Variants in CELSR1 observed in about 807,000 individuals in gnomAD.
CELSR1 encodes adhesion G protein-coupled receptor C1.
Under a neutral mutation model 249.1 loss-of-function variants are expected in CELSR1, and 110 were observed. The ratio of observed to expected loss-of-function variants is 0.44; its 90% confidence interval spans 0.38 to 0.52. The LOEUF is 0.52. Ranked by LOEUF, CELSR1 falls within the 20% of genes least tolerant of loss-of-function variation. The probability of loss-of-function intolerance (pLI) is 0.00; values close to 1 mark genes in which losing one functional copy is unlikely to be tolerated. For missense variants in CELSR1, 4,109 were observed against 4,296.4 expected (o/e 0.96, Z 1.22); for synonymous variants, 2,113 against 1,900.0 (o/e 1.11, Z -2.92).
In CELSR1 at chr22:46,391,387, G is replaced by A. The variant is rs988682551; in HGVS notation, c.6149-100C>T. 3.6e-6 allele frequency: 4 copies of A among 1,109,332 alleles called. No individual in the cohort carries two copies. In the East Asian group the frequency reaches 1.0e-4, roughly 28 times the overall value. The allele number at this position is 1,109,332 out of a possible 1,614,324, so 68.7% of individuals were successfully genotyped here. A position where few individuals can be genotyped will look rare whatever the true frequency, so the allele number is the denominator to read the frequency against. On this transcript the variant is annotated intron_variant, in intron 15 of 34. Coordinates refer to ENST00000674500, the MANE Select transcript of CELSR1 (RefSeq NM_001378328.1). The surrounding 1 kb of genome is among the most constrained non-coding windows in gnomAD (Gnocchi z 4.3). ...CATGCGCCTCCCTGCAGGAGGCCCT[G>A]CTCCCACCAAGAACCGAACCCTAGC...
Position 46,506,794 on chromosome 22 carries a change from G to T in CELSR1, c.3544+26833C>A, listed in dbSNP as rs1022521593. Reference sequence around the variant, plus strand: ...CTGAGATCTCTCCGGAAAGATGCCCGATAACAGGAAGCTGAGGCCAAGCCC... The same window carrying T: ...CTGAGATCTCTCCGGAAAGATGCCCTATAACAGGAAGCTGAGGCCAAGCCC... On this transcript the variant is annotated intron_variant, in intron 1 of 34. Transcript: ENST00000674500. The surrounding 1 kb of genome is among the most constrained non-coding windows in gnomAD (Gnocchi z 4.1). Among the ~76,000 whole-genome samples the T allele has an allele frequency of 6.6e-6, 1 of 152,182 alleles. No homozygotes were observed. The highest frequency in any genetic ancestry group is 2.4e-5 in the African/African-American group (1 of 41,444).
At chr22:46,493,317 G>A (rs180797264) in intron 1 of CELSR1, among the ~76,000 whole-genome samples, 12 of 152,206 alleles carry the variant, frequency 7.9e-5, no homozygotes, top group Non-Finnish European at 1.3e-4. Flanking sequence ...AAGCCAAGGC[G>A]GGTGGATCAC....
rs1194791380 is a variant in CELSR1 at position 46,391,243 on chromosome 22, A to C, written c.6193T>G (p.Trp2065Gly). The C allele has an allele frequency of 6.2e-7, 1 of 1,613,592 alleles. No individual in the cohort carries two copies. ...GGCTGCCCGAACTTGGTCTGTGGCC[A>C]CCAGATGCCGGCCTCAAATGCTTTG... is the stretch of plus-strand genomic sequence containing the variant. Reference protein sequence around the residue: ...CPKAFEAGIWWPQTKFGQPAA... With the variant: ...CPKAFEAGIWGPQTKFGQPAA... Residue 2065 changes from tryptophan (W) to glycine (G), a missense_variant, in exon 16 of 35, where the codon TGG becomes GGG. Transcript: ENST00000674500. This position sits in a 1 kb window ranked among gnomAD's most constrained non-coding sequence, Gnocchi z 4.3.
rs2079211485 is a variant in CELSR1, at chr22:46,401,642, GA to G, written c.5227-1741del. ...AGTCGCCTGTGACCTAGAGTCTCAAGATGCCTAAAAGCTTTCTAGGTTCATG... is the reference window on the plus strand; with the variant it reads ...AGTCGCCTGTGACCTAGAGTCTCAAGTGCCTAAAAGCTTTCTAGGTTCATG... On this transcript the variant is annotated intron_variant, in intron 9 of 34. Coordinates refer to ENST00000674500, the MANE Select transcript of CELSR1 (RefSeq NM_001378328.1). The surrounding 1 kb of genome is among the most constrained non-coding windows in gnomAD (Gnocchi z 4.7). 6.6e-6 allele frequency among the ~76,000 whole-genome samples: 1 copy of G among 152,212 alleles called. No individual in the cohort carries two copies. Among genetic ancestry groups the G allele is most frequent in the South Asian group, 2.1e-4 (1 of 4,826 alleles).
In CELSR1 at chr22:46,536,165, T is replaced by C. The variant is rs1431345653; in HGVS notation, c.1006A>G (p.Thr336Ala). ...TTGACCAAGACAGTGATGTAGGTGGTGGCCGAGCGCGGCGGCGTACTGTAG... is the reference window on the plus strand; with the variant it reads ...TTGACCAAGACAGTGATGTAGGTGGCGGCCGAGCGCGGCGGCGTACTGTAG... ...VDYSTPPRSA[T>A]TYITVLVKDT... The change falls in exon 1 of 35, where the codon ACC (threonine) becomes GCC (alanine). Residue 336 changes from threonine to alanine, a missense_variant. This residue lies in a region of CELSR1 where 673 missense variants were observed against 636.8 expected (regional missense o/e 1.06). Transcript: ENST00000674500. The C allele has an allele frequency of 6.2e-7, 1 of 1,612,848 alleles. No individual in the cohort carries two copies. The highest frequency in any genetic ancestry group is 8.5e-7 in the Non-Finnish European group (1 of 1,180,010).
At chr22:46,421,923 A>ACTGTC (rs2079477862) in intron 5 of CELSR1, among the ~76,000 whole-genome samples, 1 of 152,144 alleles carries the variant, frequency 6.6e-6, no homozygotes, top group Non-Finnish European at 1.5e-5. Flanking sequence ...CCTCCTCTTA[A>ACTGTC]ACACGGAACT....
chr22:46,368,423 C>A (rs916612864), intron 27 of CELSR1, among the ~76,000 whole-genome samples: 3 of 151,836 alleles, frequency 2.0e-5, no homozygotes, highest in Non-Finnish European at 4.4e-5. Flanking sequence ...ACCCCCATAT[C>A]CGGCCTTCCA....
rs1200370523 is a variant in CELSR1 at position 46,443,625 on chromosome 22, T to C, written c.4184-4214A>G. Among the ~76,000 whole-genome samples the C allele has an allele frequency of 7.2e-5, 11 of 152,112 alleles. 1 individual carries two copies. Among genetic ancestry groups the C allele is most frequent in the Admixed American group, 7.2e-4 (11 of 15,258 alleles). ...CTTCCACATGTATTCACACATGCACTCAATTTCCCGTCTACACATGTCCAT... is the reference window on the plus strand; with the variant it reads ...CTTCCACATGTATTCACACATGCACCCAATTTCCCGTCTACACATGTCCAT... On this transcript the variant is annotated intron_variant, in intron 2 of 34. Transcript: ENST00000674500.
rs1602107117 is a variant in CELSR1, at chr22:46,417,849, C to T, written c.4612-6090G>A. On this transcript the variant is annotated intron_variant, in intron 5 of 34. Coordinates refer to ENST00000674500, the MANE Select transcript of CELSR1 (RefSeq NM_001378328.1). This position sits in a 1 kb window ranked among gnomAD's most constrained non-coding sequence, Gnocchi z 4.1. The stretch of plus-strand genomic sequence containing the variant: ...GGCTGATATTACTATCATCCTCATT[C>T]TCAACTCAGAGTCCAGCTGGGCGGG... 6.6e-6 allele frequency among the ~76,000 whole-genome samples: 1 copy of T among 152,340 alleles called. No homozygotes were observed. Among genetic ancestry groups the T allele is most frequent in the African/African-American group, 2.4e-5 (1 of 41,570 alleles).
chr22:46,445,566 G>A lies in CELSR1; in HGVS notation c.4184-6155C>T, dbSNP rs141239104. 6.8e-4 allele frequency among the ~76,000 whole-genome samples: 104 copies of A among 152,200 alleles called. No individual in the cohort carries two copies. In the East Asian group the frequency reaches 0.019, roughly 27 times the overall value. On this transcript the variant is annotated intron_variant, in intron 2 of 34. Coordinates refer to ENST00000674500, the MANE Select transcript of CELSR1 (RefSeq NM_001378328.1). This position sits in a 1 kb window ranked among gnomAD's most constrained non-coding sequence, Gnocchi z 4.4. ...CACCCTAAATCCACGATGACTTAAG[G>A]ACCCAAACTCATTACATCTGGAAAG... is the stretch of plus-strand genomic sequence containing the variant.
At chr22:46,491,555 G>A (rs947572366) in intron 1 of CELSR1, among the ~76,000 whole-genome samples, 5 of 151,202 alleles carry the variant, frequency 3.3e-5, no homozygotes, top group Admixed American at 6.6e-5. Context: ...GAGCCACCAC[G>A]CCCAGCCGTG....
At chr22:46,530,765 C>T (rs2080783303) in intron 1 of CELSR1, among the ~76,000 whole-genome samples, 1 of 152,206 alleles carries the variant, frequency 6.6e-6, no homozygotes, top group Non-Finnish European at 1.5e-5. Context: ...GCTAAATGAA[C>T]TGCCCCCACC....
rs377747461 is a variant in CELSR1, at chr22:46,396,673, G to T, written c.5775C>A (p.Ser1925=). 5 of 1,612,938 alleles carry T rather than the reference G, an allele frequency of 3.1e-6. No homozygotes were observed. Among genetic ancestry groups the T allele is most frequent in the Non-Finnish European group, 4.2e-6 (5 of 1,179,560 alleles). Residue 1925 remains serine, a synonymous_variant, in exon 13 of 35, where the codon TCC becomes TCA. Coordinates refer to ENST00000674500, the MANE Select transcript of CELSR1 (RefSeq NM_001378328.1). This position sits in a 1 kb window ranked among gnomAD's most constrained non-coding sequence, Gnocchi z 6.4. ...ACACGTAGCCCTGCGGGGAGCCGGG[G>T]GAGCGCACGCAGGCCCCCATGTTCT... ...PCENMGACVR[S]PGSPQGYVCE... is the part of the protein sequence containing the mutation.
rs61417483 is a variant in CELSR1, at chr22:46,394,533, G to C, written c.5844-271C>G. On this transcript the variant is annotated intron_variant, in intron 13 of 34. Coordinates refer to ENST00000674500, the MANE Select transcript of CELSR1 (RefSeq NM_001378328.1). ...CGTCCACATGATGCCTGACTCATTG[G>C]GGCTTAATGACAATGAACCCCCACT... Among the ~76,000 whole-genome samples the C allele has an allele frequency of 7.3e-3, 1,115 of 152,322 alleles. 17 individuals are homozygous for C. Among genetic ancestry groups the C allele is most frequent in the African/African-American group, 0.026 (1,068 of 41,572 alleles).
At chr22:46,369,981 G>C (rs76033379) in intron 25 of CELSR1, 177 bp from the exon 26 acceptor site, 2 of 674,594 alleles carry the variant, frequency 3.0e-6, no homozygotes, top group South Asian at 1.5e-5. Context: ...TCTCCGTGTA[G>C]GGTCTCAGGC....
chr22:46,529,367 C>A (rs2080770030), intron 1 of CELSR1, among the ~76,000 whole-genome samples: 1 of 151,972 alleles, frequency 6.6e-6, no homozygotes, highest in African/African-American at 2.4e-5. Flanking sequence ...AACAAATATC[C>A]CACGTTCACA....
Position 46,490,135 on chromosome 22 carries a change from G to A in CELSR1, c.3545-25790C>T, listed in dbSNP as rs2080353900. Among the ~76,000 whole-genome samples the A allele has an allele frequency of 6.6e-6, 1 of 152,138 alleles. No homozygotes were observed. Among genetic ancestry groups the A allele is most frequent in the Non-Finnish European group, 1.5e-5 (1 of 68,034 alleles). ...GTGCAAAGTGTACACATGTCGACAT[G>A]GCACTTCTACCTGGAGTGCATGGGT... On this transcript the variant is annotated intron_variant, in intron 1 of 34. Transcript: ENST00000674500. This position sits in a 1 kb window ranked among gnomAD's most constrained non-coding sequence, Gnocchi z 5.2.
chr22:46,378,094 T>C (rs1332829620), intron 23 of CELSR1, among the ~76,000 whole-genome samples: 1 of 152,184 alleles, frequency 6.6e-6, no homozygotes, highest in African/African-American at 2.4e-5. Context: ...CCGGCTCACA[T>C]TCCCAGGCCG....
At chr22:46,533,399 C>T (rs1339950091) in intron 1 of CELSR1, among the ~76,000 whole-genome samples, 1 of 152,264 alleles carries the variant, frequency 6.6e-6, no homozygotes, top group Non-Finnish European at 1.5e-5. Flanking sequence ...GAACCGCAGG[C>T]CTGCTCCCAG....
Sources: allele counts gnomAD v4.1 joint callset (sites outside exome capture counted in the v4.1 genomes callset), GRCh38; gene constraint gnomAD v4.1.1; regional missense constraint gnomAD v4.1.1; non-coding constraint Gnocchi (gnomAD v3.1); transcripts MANE v1.5; gene names NCBI Gene and HGNC (gene_info 2026-07-23, HGNC 2026-07-21).